WWOX: variants seen among roughly 807,000 people sequenced by gnomAD.
WWOX encodes WW domain containing oxidoreductase, also known as WW domain-containing oxidoreductase.
WWOX carries 69 observed loss-of-function variants against 46.2 expected under a neutral mutation model. The ratio of observed to expected loss-of-function variants is 1.49; its 90% CI spans 1.23 to 1.82. WWOX has a LOEUF of 1.82. WWOX is among the 40% of genes most tolerant of loss of function. The pLI is 0.00. For missense variants in WWOX, 919 were observed against 542.6 expected (o/e 1.69, Z -6.89); for synonymous variants, 359 against 202.6 (o/e 1.77, Z -6.56).
intron 8 of WWOX, among the ~76,000 whole-genome samples, chr16:78,878,669 A>G (rs1406671651): frequency 6.6e-6 from 1 of 152,116 alleles, no homozygotes; most frequent in Non-Finnish European, 1.5e-5. Context: ...AATGTTACCC[A>G]TTTTATTCCT....
At chr16:78,506,291 A>G (rs748645423) in intron 8 of WWOX, among the ~76,000 whole-genome samples, 15 of 152,184 alleles carry the variant, frequency 9.9e-5, no homozygotes, top group South Asian at 2.1e-4. Flanking sequence ...CTGACACTCT[A>G]TATCGCTTTT....
intron 8 of WWOX, among the ~76,000 whole-genome samples, chr16:78,957,486 G>C (rs1480047246): frequency 6.6e-6 from 1 of 152,130 alleles, no homozygotes; most frequent in Non-Finnish European, 1.5e-5. Context: ...CTGTGTTTGG[G>C]GCTGAGACAC....
intron 5 of WWOX, among the ~76,000 whole-genome samples, chr16:78,352,309 C>T (rs940555130): frequency 1.3e-5 from 2 of 152,276 alleles, no homozygotes; most frequent in African/African-American, 4.8e-5. Flanking sequence ...CTTAGAACCA[C>T]ACAAAAGTTA....
chr16:78,487,531 G>T (rs1040540665), intron 8 of WWOX, among the ~76,000 whole-genome samples: 3 of 152,102 alleles, frequency 2.0e-5, no homozygotes, highest in Non-Finnish European at 4.4e-5. Context: ...TTATGTATTT[G>T]GGACTTACTG....
chr16:78,398,948 G>A (rs1297279286), intron 6 of WWOX, among the ~76,000 whole-genome samples: 1 of 152,134 alleles, frequency 6.6e-6, no homozygotes, highest in Admixed American at 6.5e-5. Flanking sequence ...GAAGGGGATG[G>A]GTGGCTGGCT....
At chr16:78,324,753 A>T (rs920328500) in intron 5 of WWOX, among the ~76,000 whole-genome samples, 1 of 147,698 alleles carries the variant, frequency 6.8e-6, no homozygotes, top group African/African-American at 2.5e-5. Flanking sequence ...AGAGATAGAA[A>T]ATAGATGAGT....
intron 6 of WWOX, among the ~76,000 whole-genome samples, chr16:78,423,427 G>A (rs1242536901): frequency 1.3e-5 from 2 of 152,008 alleles, no homozygotes; most frequent in African/African-American, 4.8e-5. Flanking sequence ...GCTTTAGTTT[G>A]TCACAAACAC....
rs183312263 is a variant in WWOX at position 78,536,502 on chromosome 16, G to C, written c.1056+103750G>C. 5.4e-3 allele frequency among the ~76,000 whole-genome samples: 826 copies of C among 152,238 alleles called. 7 individuals are homozygous for C. The highest frequency in any genetic ancestry group is 0.019 in the African/African-American group (776 of 41,516). On this transcript the variant is annotated intron_variant, in intron 8 of 8. Coordinates refer to ENST00000566780, the MANE Select transcript of WWOX (RefSeq NM_016373.4). ...GCTTTAGGTCCTCTCTGGAGGTGAA[G>C]AGGGAAGTCCGCTGATTGTTTTTCT...
intron 8 of WWOX, among the ~76,000 whole-genome samples, chr16:79,165,165 A>G (rs1435672280): frequency 1.3e-5 from 2 of 150,830 alleles, no homozygotes; most frequent in Non-Finnish European, 2.9e-5. Context: ...AAAAAAAAAA[A>G]ACTAGATAAA....
chr16:78,232,790 A>C (rs770509220), intron 5 of WWOX, among the ~76,000 whole-genome samples: 1 of 152,206 alleles, frequency 6.6e-6, no homozygotes, highest in Non-Finnish European at 1.5e-5. Context: ...TCTATTATTT[A>C]TCAAGAAATT....
rs770155582 is a variant in WWOX at position 79,211,608 on chromosome 16, C to T, written c.1057C>T (p.Gln353Ter). Residue 353 changes from glutamine (Q) to a stop codon, truncating the protein, a stop_gained and splice_region_variant, in exon 9 of 9, where the codon CAA becomes TAA. Transcript: ENST00000566780. LOFTEE classifies it high-confidence loss of function. Reference protein sequence around the residue: ...TLARPFTKSMQQGAATTVYCA... With the variant: ...TLARPFTKSM ...TTTGTCTTTCTTCTTGGATTTCCAG[C>T]AACAGGGAGCTGCCACCACCGTGTA... The T allele has an allele frequency of 1.4e-5, 23 of 1,614,158 alleles. No homozygotes were observed. The highest frequency in any genetic ancestry group is 1.9e-5 in the Non-Finnish European group (23 of 1,180,040).
At chr16:78,828,624 G>A (rs550145266) in intron 8 of WWOX, among the ~76,000 whole-genome samples, 10 of 151,956 alleles carry the variant, frequency 6.6e-5, no homozygotes, top group African/African-American at 1.5e-4. Flanking sequence ...AATAATAAAC[G>A]TGATATAATC....
At chr16:79,079,525 T>C (rs1340127192) in intron 8 of WWOX, among the ~76,000 whole-genome samples, 1 of 152,202 alleles carries the variant, frequency 6.6e-6, no homozygotes, top group African/African-American at 2.4e-5. Flanking sequence ...TTGAACCATA[T>C]GTTTCCCATT....
At chr16:78,589,308 G>A (rs1020081017) in intron 8 of WWOX, among the ~76,000 whole-genome samples, 1 of 152,226 alleles carries the variant, frequency 6.6e-6, no homozygotes, top group African/African-American at 2.4e-5. Context: ...AGTCCATTCT[G>A]TATTAGTCCT....
At chr16:78,570,577 G>C (rs117608905) in intron 8 of WWOX, among the ~76,000 whole-genome samples, 1 of 152,050 alleles carries the variant, frequency 6.6e-6, no homozygotes, top group Non-Finnish European at 1.5e-5. Context: ...GCCTCTCAAA[G>C]TACAGGGATT....
chr16:79,167,680 A>G (rs990036244), intron 8 of WWOX, among the ~76,000 whole-genome samples: 11 of 152,364 alleles, frequency 7.2e-5, no homozygotes, highest in African/African-American at 2.2e-4. Context: ...AATTCAGGCC[A>G]CAATGACTTC....
chr16:78,601,366 A>T (rs2045617665), intron 8 of WWOX, among the ~76,000 whole-genome samples: 1 of 152,040 alleles, frequency 6.6e-6, no homozygotes, highest in African/African-American at 2.4e-5. Context: ...CTAGAAAGAA[A>T]CGGGTAAGAC....
intron 8 of WWOX, among the ~76,000 whole-genome samples, chr16:78,830,196 G>C (rs947211737): frequency 6.6e-6 from 1 of 152,116 alleles, no homozygotes; most frequent in African/African-American, 2.4e-5. Context: ...AGGAGGGAGA[G>C]GATGAAGGAA....
At chr16:78,942,386 C>G (rs907300131) in intron 8 of WWOX, among the ~76,000 whole-genome samples, 2 of 152,106 alleles carry the variant, frequency 1.3e-5, no homozygotes, top group Non-Finnish European at 2.9e-5. Flanking sequence ...TTGATACTCT[C>G]TTTTGCACTC....
Sources: gnomAD v4.1 joint callset for allele counts (sites outside exome capture counted in the v4.1 genomes callset) on GRCh38, gnomAD v4.1.1 for gene constraint, MANE v1.5 for transcripts, NCBI Gene and HGNC (gene_info 2026-07-23, HGNC 2026-07-21) for gene names.